Variants in STARD13 observed in about 807,000 individuals in gnomAD.
STARD13 encodes stAR-related lipid transfer protein 13.
In STARD13, 62 loss-of-function variants were observed where a neutral mutation model predicts 106.4. The observed-to-expected ratio is 0.58, with a 90% CI of 0.48 to 0.72. The LOEUF (loss-of-function observed/expected upper bound fraction) is 0.72, where lower values mean the gene tolerates loss of function less well. Among genes scored for constraint, STARD13 ranks in the 30% least tolerant of loss-of-function variants. STARD13 has a pLI of 0.00. For missense variants in STARD13, 1,387 were observed against 1,424.0 expected, an observed-to-expected ratio of 0.97 and a Z score of 0.42; for synonymous variants, 565 against 553.0, an observed-to-expected ratio of 1.02 and a Z score of -0.31.
chr13:33,623,276 T>C, the STARD13 span, among the ~76,000 whole-genome samples: 4 of 151,892 alleles, frequency 2.6e-5, no homozygotes, highest in Admixed American at 2.6e-4. Context: ...TGCACAAACA[T>C]TATTTTGAGA....
intron 1 of STARD13, among the ~76,000 whole-genome samples, chr13:33,231,690 T>C (rs1888930847): frequency 1.3e-5 from 2 of 152,296 alleles, no homozygotes; most frequent in South Asian, 2.1e-4. Flanking sequence ...CTTGGTCACA[T>C]GGCCAGCAGG....
chr13:33,205,922 C>T (rs1887386893), intron 1 of STARD13: 1 of 985,398 alleles, frequency 1.0e-6, no homozygotes, highest in Non-Finnish European at 1.2e-6. Context: ...CAGAAACTGA[C>T]AGATGGTGCA....
the STARD13 span, among the ~76,000 whole-genome samples, chr13:33,568,178 A>G: frequency 6.8e-6 from 1 of 148,116 alleles, no homozygotes; most frequent in Non-Finnish European, 1.5e-5. Flanking sequence ...AAATCCTTTT[A>G]TCACCATGTA....
the STARD13 span, among the ~76,000 whole-genome samples, chr13:33,642,768 G>A: frequency 6.6e-6 from 1 of 151,482 alleles, no homozygotes; most frequent in Non-Finnish European, 1.5e-5. Flanking sequence ...TTTCCTCAAA[G>A]GCCGGATGAC....
intron 1 of STARD13, among the ~76,000 whole-genome samples, chr13:33,261,645 C>G (rs1240221525): frequency 6.6e-6 from 1 of 152,030 alleles, no homozygotes; most frequent in Non-Finnish European, 1.5e-5. Context: ...ACCCAAAGAA[C>G]GAGACTTTCA....
At chr13:33,136,104 A>G (rs665959) in intron 4 of STARD13, among the ~76,000 whole-genome samples, 49,384 of 151,584 alleles carry the variant, frequency 0.33, 8,769 homozygotes, top group Non-Finnish European at 0.41. Context: ...CTGGGTGATG[A>G]AGTGAGACTC....
At chr13:33,568,876 A>G in the STARD13 span, among the ~76,000 whole-genome samples, 1 of 148,338 alleles carries the variant, frequency 6.7e-6, no homozygotes. Flanking sequence ...TTTATATTGG[A>G]CAGAATTATT....
At chr13:33,499,648 CCTTCTT>C in the STARD13 span, among the ~76,000 whole-genome samples, 6 of 69,660 alleles carry the variant, frequency 8.6e-5, no homozygotes, top group South Asian at 5.5e-4. Flanking sequence ...TTCTTCTTCT[CCTTCTT>C]CTTCTTCTTC....
the STARD13 span, among the ~76,000 whole-genome samples, chr13:33,669,301 G>A: frequency 2.0e-5 from 3 of 152,102 alleles, no homozygotes; most frequent in Non-Finnish European, 4.4e-5. Flanking sequence ...GTAGATAAAT[G>A]TAGTTCTGTC....
At chr13:33,645,712 A>G in the STARD13 span, among the ~76,000 whole-genome samples, 1 of 152,190 alleles carries the variant, frequency 6.6e-6, no homozygotes, top group South Asian at 2.1e-4. Flanking sequence ...CCTCAGTTCT[A>G]TCTCTTAAAG....
At chr13:33,325,814 A>G (rs980671188) in intron 1 of STARD13, among the ~76,000 whole-genome samples, 152 of 151,982 alleles carry the variant, frequency 1.0e-3, no homozygotes, top group African/African-American at 3.5e-3. Context: ...CTAACATGGT[A>G]AAACCCCGTC....
chr13:33,248,088 A>G (rs964073088), intron 1 of STARD13, among the ~76,000 whole-genome samples: 3 of 152,200 alleles, frequency 2.0e-5, no homozygotes, highest in African/African-American at 7.2e-5. Flanking sequence ...TGACTTTCGA[A>G]TGAGTCAGGG....
chr13:33,549,861 AT>A, the STARD13 span, among the ~76,000 whole-genome samples: 2 of 152,298 alleles, frequency 1.3e-5, no homozygotes, highest in African/African-American at 4.8e-5. Flanking sequence ...GAACATAGTT[AT>A]AGCCCAGAGG....
chr13:33,534,297 G>A, the STARD13 span, among the ~76,000 whole-genome samples: 1 of 152,044 alleles, frequency 6.6e-6, no homozygotes, highest in Non-Finnish European at 1.5e-5. Flanking sequence ...ATCTTCTTTG[G>A]AATGGTATTC....
At chr13:33,268,179 A>G (rs1325542403) in intron 1 of STARD13, among the ~76,000 whole-genome samples, 2 of 152,224 alleles carry the variant, frequency 1.3e-5, no homozygotes, top group South Asian at 4.1e-4. Flanking sequence ...TTCGATAGCT[A>G]TCTGCTTTCA....
chr13:33,572,654 C>T, the STARD13 span, among the ~76,000 whole-genome samples: 1 of 152,130 alleles, frequency 6.6e-6, no homozygotes, highest in Non-Finnish European at 1.5e-5. Flanking sequence ...ATGCAGCCAG[C>T]CCTCTGTATC....
chr13:33,522,402 T>A, the STARD13 span, among the ~76,000 whole-genome samples: 1 of 152,240 alleles, frequency 6.6e-6, no homozygotes, highest in African/African-American at 2.4e-5. Flanking sequence ...AAGCCCATAG[T>A]GTACAGTAGG....
intron 3 of STARD13, among the ~76,000 whole-genome samples, chr13:33,154,299 C>G (rs919756421): frequency 1.3e-5 from 2 of 152,108 alleles, no homozygotes; most frequent in African/African-American, 4.8e-5. Flanking sequence ...GATGTTCTGC[C>G]GAGTGGTCAG....
chr13:33,233,614 C>A (rs912023946), intron 1 of STARD13, among the ~76,000 whole-genome samples: 1 of 152,228 alleles, frequency 6.6e-6, no homozygotes, highest in Non-Finnish European at 1.5e-5. Context: ...CAGGACCCAT[C>A]AAGTGCAGGT....
Sources: allele counts gnomAD v4.1 joint callset (sites outside exome capture counted in the v4.1 genomes callset), GRCh38; gene constraint gnomAD v4.1.1; transcripts MANE v1.5; gene names NCBI Gene and HGNC (gene_info 2026-07-23, HGNC 2026-07-21).